Variants in BBOX1 observed in about 807,000 individuals in gnomAD.
BBOX1 encodes gamma-butyrobetaine dioxygenase.
In BBOX1, 35 loss-of-function variants were observed where a neutral mutation model predicts 41.6. The observed-to-expected ratio is 0.84, with a 90% confidence interval of 0.64 to 1.11. The LOEUF (loss-of-function observed/expected upper bound fraction) is 1.11. Ranked by LOEUF, BBOX1 falls within the 50% of genes most tolerant of loss-of-function variation. BBOX1 has a pLI of 0.00. For synonymous variants in BBOX1, 163 were observed against 154.7 expected (o/e 1.05, Z -0.40); for missense variants, 458 against 460.6 (o/e 0.99, Z 0.05).
At chr11:27,084,261 A>G (rs1857955361) in intron 4 of BBOX1, among the ~76,000 whole-genome samples, 1 of 152,166 alleles carries the variant, frequency 6.6e-6, no homozygotes, top group African/African-American at 2.4e-5. Flanking sequence ...CGTGTTCATT[A>G]CAACACGTTC....
chr11:27,114,526 G>A (rs1470764630), intron 5 of BBOX1, among the ~76,000 whole-genome samples: 1 of 151,786 alleles, frequency 6.6e-6, no homozygotes, highest in Admixed American at 6.6e-5. Context: ...TCTAAGTAGT[G>A]TGATATTGGC....
chr11:27,090,816 A>C (rs1858217416), intron 4 of BBOX1, among the ~76,000 whole-genome samples: 2 of 151,884 alleles, frequency 1.3e-5, no homozygotes, highest in Admixed American at 1.3e-4. Flanking sequence ...CTCCCCCAGG[A>C]ATGCATTCCT....
chr11:27,125,690 C>A lies in BBOX1; in HGVS notation c.873C>A (p.Phe291Leu). The stretch of plus-strand genomic sequence containing the variant: ...AAGGCCAAGTGGTTCGCATCAACTT[C>A]AATAACGCAACTAGGGACACAATAT... ...DDKGQVVRIN[F>L]NNATRDTIFD... Residue 291 changes from phenylalanine (F) to leucine (L), a missense_variant, in exon 8 of 9, where the codon TTC (phenylalanine) becomes TTA (leucine). Physicochemically the swap from Phe to Leu is conservative, Grantham distance 22. Coordinates refer to ENST00000263182, the MANE Select transcript of BBOX1 (RefSeq NM_003986.3). 1 of 1,599,476 alleles carries A rather than the reference C, an allele frequency of 6.3e-7. No homozygotes were observed. The highest frequency in any genetic ancestry group is 8.5e-7 in the Non-Finnish European group (1 of 1,172,180).
At chr11:27,087,784 G>A (rs1348851958) in intron 4 of BBOX1, among the ~76,000 whole-genome samples, 1 of 152,030 alleles carries the variant, frequency 6.6e-6, no homozygotes, top group Non-Finnish European at 1.5e-5. Flanking sequence ...AATGGGCTAT[G>A]GCCCTTAGTC....
At chr11:27,098,474 C>T (rs11029833) in intron 5 of BBOX1, among the ~76,000 whole-genome samples, 23,407 of 152,014 alleles carry the variant, frequency 0.15, 2,129 homozygotes, top group Middle Eastern at 0.24. Context: ...CTTTTTGTTG[C>T]AGATTCTATT....
rs146513840 is a variant in BBOX1 at position 27,080,060 on chromosome 11, A to G, written c.335-13108A>G. 7.2e-5 allele frequency among the ~76,000 whole-genome samples: 11 copies of G among 152,140 alleles called. No individual in the cohort carries two copies. The East Asian group carries it at 1.9e-3, about 27-fold the overall frequency. On this transcript the variant is annotated intron_variant, in intron 4 of 8. Transcript: ENST00000263182. ...TCTTTTTAAAAAATGCTTTAAAATC[A>G]TTTTCCATATGGCAGCAACTGAGCT...
intron 2 of BBOX1, among the ~76,000 whole-genome samples, chr11:27,049,839 T>C (rs1851615284): frequency 6.6e-6 from 1 of 152,172 alleles, no homozygotes; most frequent in Admixed American, 6.6e-5. Flanking sequence ...TTTCCTTTGC[T>C]GTGCAGGGAT....
chr11:27,087,478 G>C (rs1858086449), intron 4 of BBOX1, among the ~76,000 whole-genome samples: 1 of 152,022 alleles, frequency 6.6e-6, no homozygotes, highest in Non-Finnish European at 1.5e-5. Flanking sequence ...ATATTTTTCA[G>C]ATGTAGTGCT....
chr11:27,064,011 C>T (rs549020687), intron 4 of BBOX1, among the ~76,000 whole-genome samples: 10 of 152,230 alleles, frequency 6.6e-5, no homozygotes, highest in African/African-American at 2.2e-4. Context: ...GTGTGTTTTT[C>T]TTAATTCAAT....
At chr11:27,076,514 CAGG>C (rs1211498485) in intron 4 of BBOX1, among the ~76,000 whole-genome samples, 1 of 152,102 alleles carries the variant, frequency 6.6e-6, no homozygotes, top group East Asian at 1.9e-4. Flanking sequence ...GGCCTCCAGC[CAGG>C]AGGTGGTACT....
intron 4 of BBOX1, among the ~76,000 whole-genome samples, chr11:27,074,119 A>G (rs1857559187): frequency 6.6e-6 from 1 of 152,018 alleles, no homozygotes; most frequent in African/African-American, 2.4e-5. Context: ...ACACCATGTG[A>G]AAAAGATGCT....
chr11:27,070,902 C>G (rs1475023757), intron 4 of BBOX1, among the ~76,000 whole-genome samples: 2 of 152,044 alleles, frequency 1.3e-5, no homozygotes, highest in Non-Finnish European at 2.9e-5. Context: ...AGATTCTATT[C>G]TGGTGCACAT....
intron 4 of BBOX1, among the ~76,000 whole-genome samples, chr11:27,078,047 T>G (rs531227424): frequency 6.6e-6 from 1 of 152,102 alleles, no homozygotes; most frequent in African/African-American, 2.4e-5. Context: ...TCCACGAGCA[T>G]GTGGACTTCT....
intron 2 of BBOX1, among the ~76,000 whole-genome samples, chr11:27,043,075 T>A (rs12806691): frequency 0.12 from 17,744 of 152,098 alleles, 1,402 homozygotes; most frequent in East Asian, 0.27. Context: ...TTATTTATTT[T>A]TTTTTTGAGA....
chr11:27,056,894 C>T (rs567372072), intron 3 of BBOX1, among the ~76,000 whole-genome samples: 46 of 150,900 alleles, frequency 3.0e-4, no homozygotes, highest in African/African-American at 1.0e-3. Context: ...GGTGAAACCC[C>T]GTCTCAACTA....
At chr11:27,091,738 A>C (rs1480529829) in intron 4 of BBOX1, among the ~76,000 whole-genome samples, 1 of 151,992 alleles carries the variant, frequency 6.6e-6, no homozygotes, top group Non-Finnish European at 1.5e-5. Flanking sequence ...GTGGCTGGAT[A>C]TCACCTCAAC....
At chr11:27,069,054 G>A (rs1180787034) in intron 4 of BBOX1, among the ~76,000 whole-genome samples, 2 of 151,470 alleles carry the variant, frequency 1.3e-5, no homozygotes, top group East Asian at 3.9e-4. Context: ...GGCTATTTGG[G>A]CTCTTTTTTA....
chr11:27,126,102 A>G (rs1053031635), intron 8 of BBOX1, among the ~76,000 whole-genome samples: 6 of 152,216 alleles, frequency 3.9e-5, no homozygotes, highest in Non-Finnish European at 7.3e-5. Context: ...TGGAGACAGT[A>G]CTACCTGAAA....
chr11:27,057,259 A>G lies in BBOX1; in HGVS notation c.278A>G (p.Lys93Arg), dbSNP rs911927369. ...GAATTCCAGGCTGATTGGCTGAAGAAAAGATGCTTTTCCAAGCAGGCCAGA... is the reference window on the plus strand; with the variant it reads ...GAATTCCAGGCTGATTGGCTGAAGAGAAGATGCTTTTCCAAGCAGGCCAGA... ...YSEFQADWLK[K>R]RCFSKQARAK... The change falls in exon 4 of 9, where the codon AAA becomes AGA. Residue 93 changes from lysine to arginine, a missense_variant. By Grantham distance (26) the Lys-to-Arg change is conservative. Transcript: ENST00000263182. 1 of 1,612,324 alleles carries G rather than the reference A, an allele frequency of 6.2e-7. No individual in the cohort carries two copies. Among genetic ancestry groups the G allele is most frequent in the African/African-American group, 1.3e-5 (1 of 74,914 alleles).
Sources: gnomAD v4.1 joint callset for allele counts (sites outside exome capture counted in the v4.1 genomes callset) on GRCh38, gnomAD v4.1.1 for gene constraint, MANE v1.5 for transcripts, NCBI Gene and HGNC (gene_info 2026-07-23, HGNC 2026-07-21) for gene names.